OPTN: variants seen among roughly 807,000 people sequenced by gnomAD.
The protein encoded by OPTN is E3-14.7K-interacting protein.
Under a neutral mutation model 70.4 loss-of-function variants are expected in OPTN, and 54 were observed. That is an observed-to-expected ratio of 0.77 (90% CI 0.62 to 0.96). OPTN has a LOEUF of 0.96. Ranked by LOEUF, OPTN falls within the 40% of genes least tolerant of loss-of-function variation. OPTN has a pLI of 0.00. For missense variants in OPTN, 624 were observed against 673.2 expected, an observed-to-expected ratio of 0.93 and a Z score of 0.81; for synonymous variants, 256 against 248.5, an observed-to-expected ratio of 1.03 and a Z score of -0.28.
intron 2 of OPTN, chr10:13,108,910 G>GCGCGCA (rs111744244): frequency 1.7e-5 from 10 of 589,756 alleles, no homozygotes; most frequent in African/African-American, 1.3e-4. Context: ...ACATGCGCGT[G>GCGCGCA]CACACACACA....
intron 2 of OPTN, 55 bp from the exon 3 acceptor site, chr10:13,109,057 G>A: frequency 6.4e-7 from 1 of 1,551,340 alleles, no homozygotes; most frequent in Non-Finnish European, 8.9e-7. Context: ...GGACTCCCGG[G>A]GACCCCTTGT....
intron 6 of OPTN, chr10:13,116,607 A>C: frequency 1.9e-6 from 1 of 519,408 alleles, no homozygotes; most frequent in Non-Finnish European, 3.5e-6. Context: ...AAGTGAAAGC[A>C]AACTGGTTCT....
In OPTN at chr10:13,132,080, G is replaced by A. The variant is rs1833604409; in HGVS notation, c.1415G>A (p.Cys472Tyr). The A allele has an allele frequency of 1.9e-6, 3 of 1,612,696 alleles. No homozygotes were observed. In the Admixed American group the frequency reaches 5.0e-5, roughly 27 times the overall value. The change falls in exon 13 of 15, where the codon TGT (cysteine) becomes TAT (tyrosine). Residue 472 changes from cysteine to tyrosine, a missense_variant. Transcript: ENST00000378747. ...TILRAQMEVYCSDFHAERAAR... is the reference protein window; with the variant it reads ...TILRAQMEVYYSDFHAERAAR... ...TTCCTCTAACAGATGGAAGTTTACT[G>A]TTCTGATTTTCATGCTGAAAGAGCA... is the stretch of plus-strand genomic sequence containing the variant.
In OPTN at chr10:13,122,436, G is replaced by T; in HGVS notation, c.831G>T (p.Gln277His). The stretch of plus-strand genomic sequence containing the variant: ...GTAATCGTTCTGAGATTGAAACCCA[G>T]ACAGAGGGGAGCACAGAGAAAGAGA... ...KTSNRSEIET[Q>H]TEGSTEKEND... Residue 277 changes from glutamine (Q) to histidine (H), a missense_variant, in exon 8 of 15, where the codon CAG (glutamine) becomes CAT (histidine). Physicochemically the swap from Gln to His is conservative, Grantham distance 24. Transcript: ENST00000378747. The T allele has an allele frequency of 6.2e-7, 1 of 1,614,078 alleles. No homozygotes were observed. The highest frequency in any genetic ancestry group is 8.5e-7 in the Non-Finnish European group (1 of 1,179,952).
intron 1 of OPTN, among the ~76,000 whole-genome samples, chr10:13,106,505 G>A (rs1832867831): frequency 6.6e-6 from 1 of 152,192 alleles, no homozygotes; most frequent in African/African-American, 2.4e-5. Context: ...AGTGTTTTCT[G>A]CTTCGTAAGA....
chr10:13,102,857 T>C (rs1832779935), intron 1 of OPTN, among the ~76,000 whole-genome samples: 1 of 151,950 alleles, frequency 6.6e-6, no homozygotes, highest in African/African-American at 2.4e-5. Flanking sequence ...GTGGGAGAAT[T>C]GCTTGAACCT....
chr10:13,123,381 C>T (rs900744212), intron 8 of OPTN, among the ~76,000 whole-genome samples: 6 of 152,140 alleles, frequency 3.9e-5, no homozygotes, highest in African/African-American at 1.2e-4. Flanking sequence ...CAAATATGTA[C>T]ATTGAATGCC....
At chr10:13,126,336 A>G (rs1365094687) in intron 11 of OPTN, among the ~76,000 whole-genome samples, 3 of 147,698 alleles carry the variant, frequency 2.0e-5, no homozygotes, top group Admixed American at 6.8e-5. Context: ...GCTGGAGTGC[A>G]GTGGCGCGAT....
Position 13,137,953 on chromosome 10 carries a change from T to C in OPTN, c.*1087T>C, listed in dbSNP as rs1349616361. 1 of 214,460 alleles carries C rather than the reference T, an allele frequency of 4.7e-6. No homozygotes were observed. The highest frequency in any genetic ancestry group is 9.4e-6 in the Non-Finnish European group (1 of 106,260). The allele number at this position is 214,460 out of a possible 1,614,324, so 13.3% of individuals were successfully genotyped here. ...TCTTCATAATCACAAGAATTAGTGA[T>C]GGCAAAATAAAATTTTGCTTATGAA... On this transcript the variant is annotated 3_prime_UTR_variant, in exon 15 of 15. Coordinates refer to ENST00000378747, the MANE Select transcript of OPTN (RefSeq NM_001008212.2).
At chr10:13,110,552 A>G in intron 4 of OPTN, 76 bp downstream of exon 4, 1 of 1,383,634 alleles carries the variant, frequency 7.2e-7, no homozygotes, top group South Asian at 1.2e-5. Flanking sequence ...ACGTGTCTAG[A>G]CTCCTAGATC....
intron 2 of OPTN, 112 bp from the exon 3 acceptor site, chr10:13,109,000 G>A: frequency 1.1e-6 from 1 of 948,534 alleles, no homozygotes; most frequent in South Asian, 1.3e-5. Flanking sequence ...TGGAGAGAAA[G>A]TGGGCAACTT....
At chr10:13,122,868 G>A (rs991267188) in intron 8 of OPTN, 2 of 291,082 alleles carry the variant, frequency 6.9e-6, no homozygotes, top group Admixed American at 4.4e-5. Context: ...ATACAGACAG[G>A]GTTTCACCAT....
At chr10:13,106,950 G>A (rs557190441) in intron 1 of OPTN, among the ~76,000 whole-genome samples, 12 of 152,216 alleles carry the variant, frequency 7.9e-5, no homozygotes, top group East Asian at 1.9e-4. Flanking sequence ...CCTTTCCCCC[G>A]TTAGAAATGG....
chr10:13,131,814 A>G lies in OPTN; in HGVS notation c.1402-253A>G, dbSNP rs3740209. ...ATTTTGCTGAATTAATGGTACCTAC[A>G]GTATTTAAACTACCTATATCAGTGC... On this transcript the variant is annotated intron_variant, in intron 12 of 14. Transcript: ENST00000378747. Among the ~76,000 whole-genome samples, 42,705 of 152,120 alleles carry G rather than the reference A, an allele frequency of 0.28. 6,198 individuals are homozygous for G. Among genetic ancestry groups the G allele is most frequent in the African/African-American group, 0.36 (14,843 of 41,460 alleles).
chr10:13,112,690 A>C, intron 5 of OPTN, 55 bp downstream of exon 5: 1 of 1,540,114 alleles, frequency 6.5e-7, no homozygotes, highest in East Asian at 2.2e-5. Flanking sequence ...TCCCCTGGAA[A>C]GATGAAACAA....
intron 14 of OPTN, among the ~76,000 whole-genome samples, chr10:13,135,676 C>T (rs756568548): frequency 6.6e-6 from 1 of 152,060 alleles, no homozygotes; most frequent in Non-Finnish European, 1.5e-5. Context: ...GTCTGCTGAA[C>T]AAATGAGATG....
intron 7 of OPTN, among the ~76,000 whole-genome samples, chr10:13,120,284 G>A (rs930999790): frequency 4.6e-5 from 7 of 152,052 alleles, no homozygotes; most frequent in African/African-American, 1.2e-4. Flanking sequence ...CACCGCGCCC[G>A]GCTGATCTGC....
intron 8 of OPTN, 47 bp downstream of exon 8, chr10:13,122,534 A>G: frequency 8.1e-7 from 1 of 1,230,104 alleles, no homozygotes; most frequent in Non-Finnish European, 1.2e-6. Context: ...CACACACGAG[A>G]GTAGTCCAGC....
intron 7 of OPTN, 70 bp from the exon 8 acceptor site, chr10:13,122,315 T>C (rs1255972758): frequency 8.7e-6 from 9 of 1,038,464 alleles, no homozygotes; most frequent in Non-Finnish European, 1.3e-5. Context: ...TTTTTAGTAC[T>C]TCTGTAATAA....
Sources: allele counts gnomAD v4.1 joint callset (sites outside exome capture counted in the v4.1 genomes callset), GRCh38; gene constraint gnomAD v4.1.1; transcripts MANE v1.5; gene names NCBI Gene and HGNC (gene_info 2026-07-23, HGNC 2026-07-21).